MRPS21: variants seen among roughly 807,000 people sequenced by gnomAD.
MRPS21 encodes the protein small ribosomal subunit protein bS21m.
Under a neutral mutation model 9.9 loss-of-function variants are expected in MRPS21, and 8 were observed. That is an observed-to-expected ratio of 0.81 (90% CI 0.47 to 1.45). The LOEUF (loss-of-function observed/expected upper bound fraction) is 1.45. Ranked by LOEUF, MRPS21 falls within the 40% of genes most tolerant of loss-of-function variation. MRPS21 has a pLI of 0.00. For synonymous variants in MRPS21, 40 were observed against 40.3 expected (o/e 0.99, Z 0.03); for missense variants, 101 against 118.9 (o/e 0.85, Z 0.70).
chr1:150,295,765 C>T (rs587600424), intron 2 of MRPS21, among the ~76,000 whole-genome samples: 215 of 135,092 alleles, frequency 1.6e-3, no homozygotes, highest in African/African-American at 5.9e-3. Flanking sequence ...AGCAAGACCC[C>T]ATTTCTAAAA....
At chr1:150,306,746 C>T (rs1265615146) in intron 2 of MRPS21, among the ~76,000 whole-genome samples, 3 of 152,132 alleles carry the variant, frequency 2.0e-5, no homozygotes, top group African/African-American at 7.2e-5. Flanking sequence ...CCGCCCACCT[C>T]GGCCTCCCAC....
chr1:150,295,848 A>G (rs1364737904), intron 2 of MRPS21, among the ~76,000 whole-genome samples: 1 of 152,202 alleles, frequency 6.6e-6, no homozygotes, highest in Non-Finnish European at 1.5e-5. Context: ...AGCATAAGGA[A>G]AAATACATAA....
At chr1:150,307,348 C>CTTTT (rs1572154026) in intron 2 of MRPS21, among the ~76,000 whole-genome samples, 9,355 of 86,626 alleles carry the variant, frequency 0.11, 1,091 homozygotes, top group African/African-American at 0.13. Context: ...GTGCCCAGTC[C>CTTTT]TTTTTTTTTT....
chr1:150,294,592 T>G (rs1186460901), intron 2 of MRPS21, 143 bp downstream of exon 2: 3 of 721,326 alleles, frequency 4.2e-6, no homozygotes, highest in Non-Finnish European at 7.0e-6. Context: ...GCCCCTCAGT[T>G]TATTATCTTA....
chr1:150,304,564 G>C (rs1654255477), intron 2 of MRPS21: 1 of 170,090 alleles, frequency 5.9e-6, no homozygotes, highest in South Asian at 1.1e-4. Context: ...AGACCAGCCT[G>C]ACCAATATGG....
chr1:150,302,547 C>G (rs1482872723), intron 2 of MRPS21, among the ~76,000 whole-genome samples: 1 of 152,150 alleles, frequency 6.6e-6, no homozygotes, highest in Non-Finnish European at 1.5e-5. Flanking sequence ...CCCGCACCTC[C>G]CCCCGCTCCA....
chr1:150,305,574 G>T (rs1654298344), intron 2 of MRPS21, among the ~76,000 whole-genome samples: 1 of 152,262 alleles, frequency 6.6e-6, no homozygotes, highest in South Asian at 2.1e-4. Context: ...TGTGACTAGA[G>T]CATAGGCATT....
chr1:150,298,718 C>T (rs1175872030), intron 2 of MRPS21, among the ~76,000 whole-genome samples: 1 of 152,168 alleles, frequency 6.6e-6, no homozygotes, highest in Non-Finnish European at 1.5e-5. Flanking sequence ...TCTCCTGCCT[C>T]AGCCTCCCGA....
chr1:150,297,664 C>A (rs587716389), intron 2 of MRPS21, among the ~76,000 whole-genome samples: 99 of 149,594 alleles, frequency 6.6e-4, no homozygotes, highest in African/African-American at 2.4e-3. Flanking sequence ...GAGTAAGACT[C>A]AAAAAAAAAA....
intron 2 of MRPS21, among the ~76,000 whole-genome samples, chr1:150,299,164 C>T (rs1654019592): frequency 6.6e-6 from 1 of 152,110 alleles, no homozygotes; most frequent in South Asian, 2.1e-4. Context: ...TGCAGTGATG[C>T]CCCATATCAT....
In MRPS21 at chr1:150,298,747, G is replaced by A. The variant is rs587708865; in HGVS notation, c.83+4298G>A. 8.5e-5 allele frequency among the ~76,000 whole-genome samples: 13 copies of A among 152,178 alleles called. No homozygotes were observed. The East Asian group carries it at 2.3e-3, about 27-fold the overall frequency. On this transcript the variant is annotated intron_variant, in intron 2 of 2. Coordinates refer to ENST00000614145, the MANE Select transcript of MRPS21 (RefSeq NM_031901.6). ...CTCCCGAGTAGCTGGGACTACAGGC[G>A]CATGCCACTACCCCGGCTAATTTTT...
At chr1:150,307,513 A>G (rs909649633) in intron 2 of MRPS21, among the ~76,000 whole-genome samples, 1 of 151,992 alleles carries the variant, frequency 6.6e-6, no homozygotes, top group African/African-American at 2.4e-5. Context: ...ATGTACCACC[A>G]TGCCTGGTTA....
intron 2 of MRPS21, among the ~76,000 whole-genome samples, chr1:150,302,056 CCT>C (rs370668408): frequency 6.4e-4 from 98 of 152,280 alleles, no homozygotes; most frequent in African/African-American, 2.2e-3. Context: ...TCCCAAATGT[CCT>C]CTCTCTAGCC....
intron 2 of MRPS21, among the ~76,000 whole-genome samples, chr1:150,301,846 G>T (rs1442977723): frequency 6.6e-6 from 1 of 151,874 alleles, no homozygotes; most frequent in African/African-American, 2.4e-5. Flanking sequence ...TGATTGGCCC[G>T]CCCGGCCTCC....
intron 2 of MRPS21, among the ~76,000 whole-genome samples, chr1:150,305,741 G>A (rs1247221395): frequency 6.6e-6 from 1 of 151,928 alleles, no homozygotes; most frequent in Non-Finnish European, 1.5e-5. Context: ...ATTACAGGTG[G>A]GCACCACCAT....
At chr1:150,305,853 A>G (rs1325300655) in intron 2 of MRPS21, among the ~76,000 whole-genome samples, 3 of 137,828 alleles carry the variant, frequency 2.2e-5, no homozygotes, top group African/African-American at 5.3e-5. Context: ...GCAGGTTATT[A>G]AAAGATATAT....
intron 2 of MRPS21, among the ~76,000 whole-genome samples, chr1:150,303,720 A>G (rs1654224615): frequency 6.6e-6 from 1 of 152,236 alleles, no homozygotes; most frequent in Non-Finnish European, 1.5e-5. Flanking sequence ...GAGTGTAGTT[A>G]GGATGATGGA....
intron 2 of MRPS21, among the ~76,000 whole-genome samples, chr1:150,302,359 G>A (rs1291431749): frequency 6.6e-6 from 1 of 152,082 alleles, no homozygotes; most frequent in Non-Finnish European, 1.5e-5. Flanking sequence ...GGAGAGTGGG[G>A]GTTGCTAGGA....
At chr1:150,306,502 G>T (rs782011957) in intron 2 of MRPS21, among the ~76,000 whole-genome samples, 1 of 151,514 alleles carries the variant, frequency 6.6e-6, no homozygotes, top group Non-Finnish European at 1.5e-5. Flanking sequence ...CTGACCTCAA[G>T]TGATCTTTTT....
Sources: allele counts gnomAD v4.1 joint callset (sites outside exome capture counted in the v4.1 genomes callset), GRCh38; gene constraint gnomAD v4.1.1; transcripts MANE v1.5; gene names NCBI Gene and HGNC (gene_info 2026-07-23, HGNC 2026-07-21).